CATSPERG: variants seen among roughly 807,000 people sequenced by gnomAD.
CATSPERG encodes catsper channel auxiliary subunit gamma.
Under a neutral mutation model 145.0 loss-of-function variants are expected in CATSPERG, and 115 were observed. The observed-to-expected ratio is 0.79, with a 90% CI of 0.68 to 0.93. CATSPERG has a LOEUF of 0.93. Ranked by LOEUF, CATSPERG falls within the 40% of genes least tolerant of loss-of-function variation. The pLI is 0.00. For synonymous variants in CATSPERG, 588 were observed against 589.0 expected, an observed-to-expected ratio of 1.00 and a Z score of 0.02; for missense variants, 1,296 against 1,490.1, an observed-to-expected ratio of 0.87 and a Z score of 2.14.
In CATSPERG at chr19:38,370,219, G is replaced by T; in HGVS notation, c.3174G>T (p.Gly1058=). Residue 1058 remains glycine, a synonymous_variant, in exon 28 of 29, where the codon GGG becomes GGT. Transcript: ENST00000409235. ...YQLTFLLHIH[G]LPLSPKRALF... ...TCACCTTCCTGCTGCACATCCACGG[G>T]CTGCCACTCAGTCCCAAGCGGGCCC... is the stretch of plus-strand genomic sequence containing the variant. The T allele has an allele frequency of 6.2e-7, 1 of 1,613,622 alleles. No individual in the cohort carries two copies. The highest frequency in any genetic ancestry group is 8.5e-7 in the Non-Finnish European group (1 of 1,180,004).
intron 7 of CATSPERG, among the ~76,000 whole-genome samples, chr19:38,347,402 A>G (rs1488135211): frequency 1.3e-5 from 2 of 152,038 alleles, no homozygotes; most frequent in Admixed American, 6.6e-5. Flanking sequence ...AAAAAAAGTT[A>G]ATAGCTTCCA....
chr19:38,358,597 C>T (rs1408372883), intron 13 of CATSPERG, 36 bp downstream of exon 13: 1 of 1,613,376 alleles, frequency 6.2e-7, no homozygotes, highest in Non-Finnish European at 8.5e-7. Flanking sequence ...GCCAGGCATA[C>T]TCTGTCTCCC....
intron 3 of CATSPERG, among the ~76,000 whole-genome samples, chr19:38,340,822 G>T (rs572775480): frequency 1.3e-5 from 2 of 151,406 alleles, no homozygotes; most frequent in South Asian, 4.2e-4. Flanking sequence ...GTTGCCTAAG[G>T]CTGGCATGAA....
intron 22 of CATSPERG, 172 bp from the exon 23 acceptor site, chr19:38,366,984 G>A (rs1970460919): frequency 9.6e-6 from 6 of 626,786 alleles, no homozygotes; most frequent in Non-Finnish European, 1.6e-5. Flanking sequence ...ATGAGCCACT[G>A]CACCAGGCCG....
chr19:38,362,950 G>T, intron 20 of CATSPERG, 118 bp downstream of exon 20: 1 of 701,306 alleles, frequency 1.4e-6, no homozygotes, highest in Non-Finnish European at 2.3e-6. Flanking sequence ...AGCGATCACT[G>T]CATTCTTGGC....
At chr19:38,351,897 A>C (rs1162141179) in intron 7 of CATSPERG, among the ~76,000 whole-genome samples, 1 of 152,136 alleles carries the variant, frequency 6.6e-6, no homozygotes, top group African/African-American at 2.4e-5. Flanking sequence ...ACAGAGCCAG[A>C]TCCAGCCTTT....
At chr19:38,356,053 TGTG>T (rs751657772) in intron 9 of CATSPERG, among the ~76,000 whole-genome samples, 1 of 152,144 alleles carries the variant, frequency 6.6e-6, no homozygotes, top group Non-Finnish European at 1.5e-5. Context: ...GTGCTAGTGA[TGTG>T]GTGAGTGTTA....
chr19:38,337,380 T>C lies in CATSPERG; in HGVS notation c.146T>C (p.Val49Ala). ...KDFQECTWQVVLNEFKRVGES... is the reference protein window; with the variant it reads ...KDFQECTWQVALNEFKRVGES... ...TTCCAGGAATGCACCTGGCAGGTTG[T>C]CCTGAACGAGTTTAAGAGGGTAGGC... is the stretch of plus-strand genomic sequence containing the variant. Residue 49 changes from valine to alanine, a missense_variant, in exon 2 of 29, where the codon GTC becomes GCC. Physicochemically the swap from Val to Ala is moderately conservative, Grantham distance 64 (BLOSUM62 0). Coordinates refer to ENST00000409235, the MANE Select transcript of CATSPERG (RefSeq NM_021185.5). The C allele has an allele frequency of 6.4e-7, 1 of 1,551,694 alleles. No homozygotes were observed. Among genetic ancestry groups the C allele is most frequent in the Non-Finnish European group, 8.7e-7 (1 of 1,146,998 alleles).
At position 38,367,489 on chromosome 19, in the gene CATSPERG, A is replaced by G. The variant is rs1323593164; in HGVS notation, c.2771-20A>G. 1 of 1,611,680 alleles carries G rather than the reference A, an allele frequency of 6.2e-7. No homozygotes were observed. Among genetic ancestry groups the G allele is most frequent in the Non-Finnish European group, 8.5e-7 (1 of 1,178,610 alleles). ...CAAGCTAATTTCTTCTTCTGGTCTC[A>G]ATCCCCTCCAACCCCATAGTTTTCT... On this transcript the variant is annotated intron_variant, in intron 23 of 28. Transcript: ENST00000409235.
chr19:38,370,087 G>A (rs769071957), intron 27 of CATSPERG, 23 bp downstream of exon 27: 3 of 1,613,658 alleles, frequency 1.9e-6, no homozygotes, highest in African/African-American at 2.7e-5. Context: ...AGTGGCCCAG[G>A]TGCGGGTCAG....
rs1970530301 is a variant in CATSPERG at position 38,370,599 on chromosome 19, AG to A, written c.3290del (p.Gly1097AlafsTer4). 5.0e-6 allele frequency: 8 copies of A among 1,614,116 alleles called. No homozygotes were observed. The highest frequency in any genetic ancestry group is 5.1e-6 in the Non-Finnish European group (6 of 1,180,014). On this transcript the variant is annotated frameshift_variant, in exon 29 of 29. Transcript: ENST00000409235. LOFTEE classifies it low-confidence loss of function (END_TRUNC). ...AFCLLWPLVV[K>X]GCTMIRWKIN... is the part of the protein sequence containing the mutation. ...TGCCTCCTGTGGCCCCTCGTGGTGA[AG>A]GGCTGCACGATGATCCGGTGGAAGA...
intron 17 of CATSPERG, 43 bp from the exon 18 acceptor site, chr19:38,362,167 C>T (rs1252671714): frequency 1.3e-6 from 2 of 1,552,950 alleles, no homozygotes; most frequent in Admixed American, 1.9e-5. Flanking sequence ...GAGGCTCTCG[C>T]CCCGCTGCCC....
intron 7 of CATSPERG, among the ~76,000 whole-genome samples, chr19:38,347,833 C>CT (rs1367482283): frequency 6.6e-6 from 1 of 151,772 alleles, no homozygotes; most frequent in Non-Finnish European, 1.5e-5. Context: ...CCCAGCTACT[C>CT]TGGAGGCTGA....
In CATSPERG at chr19:38,337,663, C is replaced by G; in HGVS notation, c.324+17C>G. The G allele has an allele frequency of 6.5e-7, 1 of 1,549,304 alleles. No individual in the cohort carries two copies. Among genetic ancestry groups the G allele is most frequent in the Non-Finnish European group, 8.7e-7 (1 of 1,144,832 alleles). On this transcript the variant is annotated intron_variant, in intron 3 of 28. Transcript: ENST00000409235. Reference sequence around the variant, plus strand: ...GAGGAAAAGGTGAGTGGGTGCAGCACGGATAGGCTCATTCTATGAGCCTTG... The same window carrying G: ...GAGGAAAAGGTGAGTGGGTGCAGCAGGGATAGGCTCATTCTATGAGCCTTG...
chr19:38,362,644 C>T, intron 19 of CATSPERG, 70 bp downstream of exon 19: 1 of 1,491,912 alleles, frequency 6.7e-7, no homozygotes, highest in Admixed American at 1.7e-5. Flanking sequence ...GCCTGGGGGG[C>T]GGGGACACCA....
intron 28 of CATSPERG, 22 bp downstream of exon 28, chr19:38,370,280 G>A: frequency 6.2e-7 from 1 of 1,607,192 alleles, no homozygotes; most frequent in Admixed American, 1.7e-5. Flanking sequence ...TCCGGGAGCT[G>A]CCCTACTGGG....
At position 38,358,516 on chromosome 19, in the gene CATSPERG, C is replaced by T. The variant is rs773023618; in HGVS notation, c.1451C>T (p.Pro484Leu). The T allele has an allele frequency of 1.5e-5, 24 of 1,614,096 alleles. No homozygotes were observed. Among genetic ancestry groups the T allele is most frequent in the East Asian group, 2.2e-5 (1 of 44,890 alleles). The change falls in exon 13 of 29, where the codon CCG (proline) becomes CTG (leucine). Residue 484 changes from proline (P) to leucine (L), a missense_variant. Transcript: ENST00000409235. ...AMAPKGIFCN[P>L]YNNLIFIWGN... ...GCCCCCAAGGGCATCTTCTGTAACC[C>T]GTACAACAATCTGATCTTCATCTGG...
Position 38,367,708 on chromosome 19 carries a change from G to T in CATSPERG, c.2862G>T (p.Gly954=), listed in dbSNP as rs1367072392. The T allele has an allele frequency of 6.2e-7, 1 of 1,614,104 alleles. No individual in the cohort carries two copies. The highest frequency in any genetic ancestry group is 8.5e-7 in the Non-Finnish European group (1 of 1,180,008). Residue 954 remains glycine (G), a synonymous_variant, in exon 25 of 29, where the codon GGG becomes GGT. Coordinates refer to ENST00000409235, the MANE Select transcript of CATSPERG (RefSeq NM_021185.5). ...GSYVLLVVGG[G]PTLDSLKDYS... is the part of the protein sequence containing the mutation. ...ATGTTCTGCTGGTGGTGGGTGGCGG[G>T]CCCACACTGGACAGCCTCAAGGACT...
At chr19:38,345,883 G>A (rs61277631) in intron 6 of CATSPERG, among the ~76,000 whole-genome samples, 2,406 of 152,232 alleles carry the variant, frequency 0.016, 61 homozygotes, top group African/African-American at 0.055. Flanking sequence ...CACTTACTGA[G>A]CACACGTTGT....
Sources: allele counts gnomAD v4.1 joint callset (sites outside exome capture counted in the v4.1 genomes callset), GRCh38; gene constraint gnomAD v4.1.1; transcripts MANE v1.5; gene names NCBI Gene and HGNC (gene_info 2026-07-23, HGNC 2026-07-21).